The following CIITA variants were observed in gnomAD, a reference collection of about 807,000 sequenced individuals.
The protein encoded by CIITA is class II major histocompatibility complex transactivator.
Under a neutral mutation model 115.1 loss-of-function variants are expected in CIITA, and 72 were observed. That is an observed-to-expected ratio of 0.63 (90% CI 0.52 to 0.76). The LOEUF (loss-of-function observed/expected upper bound fraction) is 0.76. CIITA is among the 30% of genes least tolerant of loss of function. The probability of loss-of-function intolerance (pLI) is 0.00; values close to 1 mark genes in which losing one functional copy is unlikely to be tolerated. For synonymous variants in CIITA, 763 were observed against 635.6 expected (o/e 1.20, Z -3.02); for missense variants, 1,617 against 1,463.8 (o/e 1.10, Z -1.71).
In CIITA at chr16:10,904,017, G is replaced by A; in HGVS notation, c.937+122G>A. The A allele has an allele frequency of 3.0e-6, 4 of 1,343,622 alleles. No homozygotes were observed. In the South Asian group the frequency reaches 4.8e-5, roughly 16 times the overall value. 83.2% of individuals were successfully genotyped at this position (1,343,622 alleles called of 1,614,324 possible). ...TAGGGACAACAGGTCATGTTTAGGG[G>A]TCAGTCGGGACAGGGAGGGTCTCCA... is the stretch of plus-strand genomic sequence containing the variant. On this transcript the variant is annotated intron_variant, in intron 9 of 19. Coordinates refer to ENST00000324288, the MANE Select transcript of CIITA (RefSeq NM_000246.4).
chr16:10,929,655 C>T lies in CIITA; in HGVS notation c.*5800C>T. On this transcript the variant is annotated 3_prime_UTR_variant, in exon 20 of 20. Coordinates refer to ENST00000324288, the MANE Select transcript of CIITA (RefSeq NM_000246.4). This position sits in a 1 kb window ranked among gnomAD's most constrained non-coding sequence, Gnocchi z 4.3. ...GGACCAATCCACCAGGCTCGGGAGGCTTGGGGTGGGGCAGGGAAGTCTTCC... is the reference window on the plus strand; with the variant it reads ...GGACCAATCCACCAGGCTCGGGAGGTTTGGGGTGGGGCAGGGAAGTCTTCC... 1.3e-6 allele frequency: 1 copy of T among 777,924 alleles called. No homozygotes were observed. Among genetic ancestry groups the T allele is most frequent in the Non-Finnish European group, 1.6e-6 (1 of 640,748 alleles). 48.2% of individuals were successfully genotyped at this position (777,924 alleles called of 1,614,324 possible).
intron 3 of CIITA, 31 bp downstream of exon 3, chr16:10,895,795 A>G (rs749431463): frequency 3.7e-6 from 6 of 1,605,316 alleles, no homozygotes; most frequent in Non-Finnish European, 4.3e-6. Flanking sequence ...AGAAAAGGAC[A>G]ATCAAGGGCA....
intron 15 of CIITA, chr16:10,916,701 C>T: frequency 1.8e-6 from 1 of 546,634 alleles, no homozygotes; most frequent in Non-Finnish European, 3.3e-6. Flanking sequence ...CCAGTGGATT[C>T]ATCCATTCAC....
chr16:10,884,660 A>G (rs954591929), intron 1 of CIITA, among the ~76,000 whole-genome samples: 5 of 152,108 alleles, frequency 3.3e-5, no homozygotes, highest in African/African-American at 9.7e-5. Flanking sequence ...GCCTCAAGTC[A>G]TCCTCCCTCC....
chr16:10,919,149 A>T (rs1333292526), intron 16 of CIITA, among the ~76,000 whole-genome samples: 1 of 152,180 alleles, frequency 6.6e-6, no homozygotes, highest in East Asian at 1.9e-4. Flanking sequence ...TCAGATTCCC[A>T]GGAAAGATGG....
At position 10,918,477 on chromosome 16, in the gene CIITA, A is replaced by G. The variant is rs1467053840; in HGVS notation, c.3100A>G (p.Lys1034Glu). 6.2e-7 allele frequency: 1 copy of G among 1,614,080 alleles called. No individual in the cohort carries two copies. The highest frequency in any genetic ancestry group is 8.5e-7 in the Non-Finnish European group (1 of 1,180,044). ...QNNITDLGAY[K>E]LAEALPSLAA... ...CAACATCACTGACCTGGGTGCCTACAAACTCGCCGAGGCCCTGCCTTCGCT... is the reference window on the plus strand; with the variant it reads ...CAACATCACTGACCTGGGTGCCTACGAACTCGCCGAGGCCCTGCCTTCGCT... The change falls in exon 16 of 20, where the codon AAA becomes GAA. Residue 1034 changes from lysine (K) to glutamate (E), a missense_variant. Coordinates refer to ENST00000324288, the MANE Select transcript of CIITA (RefSeq NM_000246.4).
At chr16:10,922,120 C>G (rs757541890) in intron 16 of CIITA, 47 bp from the exon 17 acceptor site, 4 of 1,544,430 alleles carry the variant, frequency 2.6e-6, no homozygotes, top group South Asian at 1.1e-5. Flanking sequence ...GGAAGGCTGA[C>G]CATGCACAGG....
At chr16:10,909,435 G>A (rs1232912604) in intron 12 of CIITA, among the ~76,000 whole-genome samples, 1 of 152,226 alleles carries the variant, frequency 6.6e-6, no homozygotes, top group Non-Finnish European at 1.5e-5. Context: ...TAAAGCCATG[G>A]AGAACCTCTC....
At chr16:10,917,354 T>G (rs1376798884) in intron 15 of CIITA, among the ~76,000 whole-genome samples, 1 of 152,218 alleles carries the variant, frequency 6.6e-6, no homozygotes, top group Non-Finnish European at 1.5e-5. Context: ...TGTATTTTTT[T>G]GTAGAGACGT....
At chr16:10,875,402 G>C (rs1292317303), upstream of CIITA, among the ~76,000 whole-genome samples, 1 of 152,080 alleles carries the variant, frequency 6.6e-6, no homozygotes, top group African/African-American at 2.4e-5. Context: ...AGGCTTCAAA[G>C]TAATCACCTT....
At position 10,922,497 on chromosome 16, in the gene CIITA, C is replaced by T. The variant is rs2040328085; in HGVS notation, c.3317+7C>T. ...CTCATGTGGAGACGCTGGCGTAAGT[C>T]CAGGCAACCCTGGTGGGTGGAGAAC... On this transcript the variant is annotated splice_region_variant and intron_variant, in intron 18 of 19. Coordinates refer to ENST00000324288, the MANE Select transcript of CIITA (RefSeq NM_000246.4). The T allele has an allele frequency of 1.9e-6, 3 of 1,613,802 alleles. No homozygotes were observed. Among genetic ancestry groups the T allele is most frequent in the Non-Finnish European group, 2.5e-6 (3 of 1,179,854 alleles).
intron 1 of CIITA, chr16:10,866,389 G>T (rs1283262419): frequency 1.8e-6 from 1 of 566,844 alleles, no homozygotes. Context: ...GCTGAAGGAG[G>T]ACCTCCTCTC....
chr16:10,870,950 A>T (rs747158033), intron 1 of CIITA, among the ~76,000 whole-genome samples: 13 of 152,132 alleles, frequency 8.5e-5, no homozygotes, highest in Admixed American at 4.6e-4. Flanking sequence ...CTAGACACCT[A>T]CCCCATGCAA....
chr16:10,871,945 C>T (rs1038921985), intron 1 of CIITA, among the ~76,000 whole-genome samples: 3 of 152,228 alleles, frequency 2.0e-5, no homozygotes. Flanking sequence ...CTTCTCCAAC[C>T]AGTCACGGTT....
At chr16:10,914,995 A>G (rs2039850022) in intron 13 of CIITA, 1 of 452,886 alleles carries the variant, frequency 2.2e-6, no homozygotes. Context: ...CTACTTAGAG[A>G]CAAAAGCTGG....
chr16:10,869,736 A>G (rs1473846663), intron 1 of CIITA, among the ~76,000 whole-genome samples: 2 of 152,008 alleles, frequency 1.3e-5, no homozygotes, highest in Non-Finnish European at 2.9e-5. Context: ...GCTGGTCTTG[A>G]ACTCCTGACA....
intron 16 of CIITA, among the ~76,000 whole-genome samples, chr16:10,919,476 C>G (rs1357155365): frequency 6.6e-6 from 1 of 152,016 alleles, no homozygotes; most frequent in Admixed American, 6.6e-5. Flanking sequence ...ACTAGGATTA[C>G]AGGCGTGAGC....
At chr16:10,900,791 T>C (rs774032247) in intron 5 of CIITA, among the ~76,000 whole-genome samples, 1 of 152,088 alleles carries the variant, frequency 6.6e-6, no homozygotes, top group Non-Finnish European at 1.5e-5. Context: ...AGAATGGTAC[T>C]ATGAAGGTCC....
Position 10,920,808 on chromosome 16 carries a change from C to T in CIITA, c.3150-1359C>T, listed in dbSNP as rs573577910. On this transcript the variant is annotated intron_variant, in intron 16 of 19. Transcript: ENST00000324288. This position sits in a 1 kb window ranked among gnomAD's most constrained non-coding sequence, Gnocchi z 4.5. Reference sequence around the variant, plus strand: ...ATCTAGTTTCTGCACTGGTACCGGCCGACCCGTGATGTGAGTTGATTTAGC... The same window carrying T: ...ATCTAGTTTCTGCACTGGTACCGGCTGACCCGTGATGTGAGTTGATTTAGC... Among the ~76,000 whole-genome samples, 19 of 152,114 alleles carry T rather than the reference C, an allele frequency of 1.2e-4. No homozygotes were observed. Among genetic ancestry groups the T allele is most frequent in the Non-Finnish European group, 2.4e-4 (16 of 68,008 alleles).
Sources: gnomAD v4.1 joint callset for allele counts (sites outside exome capture counted in the v4.1 genomes callset) on GRCh38, gnomAD v4.1.1 for gene constraint, Gnocchi (gnomAD v3.1) non-coding constraint, MANE v1.5 for transcripts, NCBI Gene and HGNC (gene_info 2026-07-23, HGNC 2026-07-21) for gene names.